The following TULP4 variants were observed in gnomAD, a reference collection of about 807,000 sequenced individuals.
TULP4 encodes the protein TUB like protein 4.
TULP4 carries 16 observed loss-of-function variants against 129.0 expected under a neutral mutation model. The observed-to-expected ratio is 0.12, with a 90% confidence interval of 0.08 to 0.19. The LOEUF (loss-of-function observed/expected upper bound fraction) is 0.19. TULP4 is among the 10% of genes least tolerant of loss of function. The probability of loss-of-function intolerance (pLI) is 1.00; values close to 1 mark genes in which losing one functional copy is unlikely to be tolerated. For synonymous variants in TULP4, 998 were observed against 854.0 expected, an observed-to-expected ratio of 1.17 and a Z score of -2.94; for missense variants, 1,842 against 2,059.1, an observed-to-expected ratio of 0.89 and a Z score of 2.04.
intron 1 of TULP4, among the ~76,000 whole-genome samples, chr6:158,334,595 T>TA: frequency 2.6e-5 from 1 of 38,456 alleles, no homozygotes; most frequent in Non-Finnish European, 7.4e-5. Flanking sequence ...TTGGCACCCC[T>TA]AACCCCCGCA....
chr6:158,313,046 G>A lies in TULP4; in HGVS notation c.-971G>A, dbSNP rs1180334775. Reference sequence around the variant, plus strand: ...GGAGCAGAAAAGGGGAGTGCTAACTGGGGGAGCGAGAAGGGAGACGAGCAA... The same window carrying A: ...GGAGCAGAAAAGGGGAGTGCTAACTAGGGGAGCGAGAAGGGAGACGAGCAA... On this transcript the variant is annotated 5_prime_UTR_variant, in exon 1 of 14. An upstream open reading frame in the 5' UTR gains an earlier in-frame stop. Coordinates refer to ENST00000367097, the MANE Select transcript of TULP4 (RefSeq NM_020245.5). The A allele has an allele frequency of 6.4e-6, 1 of 157,168 alleles. No individual in the cohort carries two copies. Among genetic ancestry groups the A allele is most frequent in the East Asian group, 1.8e-4 (1 of 5,494 alleles). The allele number at this position is 157,168 out of a possible 1,614,324, so 9.7% of individuals were successfully genotyped here. A position where few individuals can be genotyped will look rare whatever the true frequency, so the allele number is the denominator to read the frequency against.
At chr6:158,332,017 C>G (rs1330782067) in intron 1 of TULP4, among the ~76,000 whole-genome samples, 2 of 148,492 alleles carry the variant, frequency 1.3e-5, no homozygotes, top group Admixed American at 1.3e-4. Context: ...ACTAAAAATA[C>G]AAAAATTAGC....
chr6:158,370,077 T>C (rs1488332905), intron 1 of TULP4, among the ~76,000 whole-genome samples: 1 of 151,836 alleles, frequency 6.6e-6, no homozygotes, highest in Non-Finnish European at 1.5e-5. Flanking sequence ...CTGGGCATCG[T>C]GGCGCATGCC....
chr6:158,363,714 GACCTCAGGTGATCC>G (rs1780852626), intron 1 of TULP4, among the ~76,000 whole-genome samples: 1 of 152,132 alleles, frequency 6.6e-6, no homozygotes, highest in Non-Finnish European at 1.5e-5. Context: ...CTGAACTCCT[GACCTCAGGTGATCC>G]ACCCCCCCGG....
At chr6:158,405,721 C>G (rs1777965097) in intron 1 of TULP4, among the ~76,000 whole-genome samples, 2 of 152,052 alleles carry the variant, frequency 1.3e-5, no homozygotes, top group African/African-American at 4.8e-5. Flanking sequence ...GGGTAGCCTT[C>G]CACCCTTTAG....
At chr6:158,330,873 A>T (rs112335752) in intron 1 of TULP4, among the ~76,000 whole-genome samples, 1,943 of 152,188 alleles carry the variant, frequency 0.013, 52 homozygotes, top group African/African-American at 0.044. Flanking sequence ...TTTCTTTTTA[A>T]TAGAATGTTT....
intron 1 of TULP4, among the ~76,000 whole-genome samples, chr6:158,384,084 C>G (rs562912414): frequency 1.3e-5 from 2 of 152,156 alleles, no homozygotes; most frequent in Non-Finnish European, 2.9e-5. Context: ...ATTAGTGAAG[C>G]TCTGTGAGCT....
intron 1 of TULP4, among the ~76,000 whole-genome samples, chr6:158,385,723 G>GTT (rs66529574): frequency 5.4e-4 from 77 of 141,914 alleles, no homozygotes; most frequent in Middle Eastern, 3.7e-3. Flanking sequence ...AGTTTCCTGG[G>GTT]TTTTTTTTTT....
At chr6:158,418,685 C>A (rs919988022) in intron 2 of TULP4, among the ~76,000 whole-genome samples, 1 of 152,168 alleles carries the variant, frequency 6.6e-6, no homozygotes, top group Non-Finnish European at 1.5e-5. Flanking sequence ...GGGAGGATTG[C>A]TTGAGCAATC....
chr6:158,298,242 A>G (rs1779070712), intron 1 of TULP4, among the ~76,000 whole-genome samples: 1 of 152,202 alleles, frequency 6.6e-6, no homozygotes, highest in Non-Finnish European at 1.5e-5. Context: ...ATGTTTTACA[A>G]TCAATTTGTA....
chr6:158,450,375 G>C (rs1031584897), intron 4 of TULP4, among the ~76,000 whole-genome samples: 1 of 129,458 alleles, frequency 7.7e-6, no homozygotes, highest in Admixed American at 7.3e-5. Context: ...CAATATTCTC[G>C]TGTTGTGTTG....
chr6:158,505,791 C>G (rs1164223931), intron 13 of TULP4, among the ~76,000 whole-genome samples: 1 of 152,132 alleles, frequency 6.6e-6, no homozygotes, highest in African/African-American at 2.4e-5. Flanking sequence ...TTTCTTTCTG[C>G]TTTTCTTTCT....
chr6:158,455,696 C>A (rs1252991610), intron 5 of TULP4, among the ~76,000 whole-genome samples: 1 of 150,164 alleles, frequency 6.7e-6, no homozygotes, highest in Non-Finnish European at 1.5e-5. Context: ...GAGATTGCGC[C>A]ATTGCACTCT....
chr6:158,261,920 A>T (rs2081615), intron 1 of TULP4, among the ~76,000 whole-genome samples: 49,974 of 151,902 alleles, frequency 0.33, 9,214 homozygotes, highest in Admixed American at 0.45. Flanking sequence ...GATGAGCTAG[A>T]CCCCCTTAAA....
At chr6:158,402,894 T>G (rs1285998412) in intron 1 of TULP4, among the ~76,000 whole-genome samples, 4 of 151,832 alleles carry the variant, frequency 2.6e-5, no homozygotes, top group East Asian at 1.9e-4. Context: ...GGGAGTTTTT[T>G]TTTTTTTTTT....
In TULP4 at chr6:158,504,195, G is replaced by C. The variant is rs1431372291; in HGVS notation, c.4515+17G>C. 2.0e-6 allele frequency: 3 copies of C among 1,529,196 alleles called. No individual in the cohort carries two copies. The highest frequency in any genetic ancestry group is 1.2e-5 in the South Asian group (1 of 80,968). The allele number at this position is 1,529,196 out of a possible 1,614,324, so 94.7% of individuals were successfully genotyped here. ...GGGCGGCAGGTAAGACCTCAGACCA[G>C]GTGGCGCTGCGAGCCCAGGAGGCGA... On this transcript the variant is annotated intron_variant, in intron 13 of 13. Transcript: ENST00000367097.
At chr6:158,352,171 A>G (rs535475316) in intron 1 of TULP4, among the ~76,000 whole-genome samples, 30 of 152,238 alleles carry the variant, frequency 2.0e-4, no homozygotes, top group Non-Finnish European at 3.2e-4. Context: ...GAATAGTTTA[A>G]AATTTTTCTT....
At chr6:158,356,798 G>T (rs1780657581) in intron 1 of TULP4, among the ~76,000 whole-genome samples, 1 of 151,414 alleles carries the variant, frequency 6.6e-6, no homozygotes, top group Admixed American at 6.6e-5. Flanking sequence ...GAGGGGACCT[G>T]GAGGCTGGTG....
chr6:158,364,903 T>G (rs1021015248), intron 1 of TULP4, among the ~76,000 whole-genome samples: 37 of 152,006 alleles, frequency 2.4e-4, no homozygotes, highest in Non-Finnish European at 4.1e-4. Context: ...GCCTGGCTAA[T>G]TTTTTGTATT....
Sources: gnomAD v4.1 joint callset for allele counts (sites outside exome capture counted in the v4.1 genomes callset) on GRCh38, gnomAD v4.1.1 for gene constraint, MANE v1.5 for transcripts, NCBI Gene and HGNC (gene_info 2026-07-23, HGNC 2026-07-21) for gene names.